CCSER1: variants seen among roughly 807,000 people sequenced by gnomAD.
The protein encoded by CCSER1 is coiled-coil serine rich protein 1, also known as serine-rich coiled-coil domain-containing protein 1.
A neutral mutation model predicts 82.0 loss-of-function variants in CCSER1; 41 were observed. The ratio of observed to expected loss-of-function variants is 0.50; its 90% CI spans 0.39 to 0.65. The LOEUF (loss-of-function observed/expected upper bound fraction) is 0.65, where lower values mean the gene tolerates loss of function less well. Ranked by LOEUF, CCSER1 falls within the 30% of genes least tolerant of loss-of-function variation. The probability of loss-of-function intolerance (pLI) is 0.00; values close to 1 mark genes in which losing one functional copy is unlikely to be tolerated. For synonymous variants in CCSER1, 414 were observed against 383.9 expected (o/e 1.08, Z -0.92); for missense variants, 1,119 against 1,064.2 (o/e 1.05, Z -0.72).
chr4:90,507,548 G>A (rs142898662), intron 5 of CCSER1, among the ~76,000 whole-genome samples: 1 of 151,938 alleles, frequency 6.6e-6, no homozygotes, highest in African/African-American at 2.4e-5. Flanking sequence ...ATCATATATA[G>A]AGGTAGAAAA....
chr4:90,172,078 C>A (rs1731802835), intron 1 of CCSER1, among the ~76,000 whole-genome samples: 1 of 151,888 alleles, frequency 6.6e-6, no homozygotes, highest in African/African-American at 2.4e-5. Flanking sequence ...TCAAATTTTT[C>A]TCTCTGGGTG....
chr4:91,498,137 G>A (rs1759024882), intron 10 of CCSER1, among the ~76,000 whole-genome samples: 2 of 151,992 alleles, frequency 1.3e-5, no homozygotes, highest in Non-Finnish European at 2.9e-5. Flanking sequence ...AGGTCAGAGT[G>A]AGAAAGGCAA....
chr4:91,586,871 G>T (rs550131490), intron 10 of CCSER1, among the ~76,000 whole-genome samples: 1 of 151,646 alleles, frequency 6.6e-6, no homozygotes, highest in South Asian at 2.1e-4. Context: ...GTAAGTTCTT[G>T]GGGGTAATAT....
intron 3 of CCSER1, among the ~76,000 whole-genome samples, chr4:90,367,183 C>T (rs11939286): frequency 0.26 from 38,961 of 151,352 alleles, 5,883 homozygotes; most frequent in African/African-American, 0.41. Context: ...AACAAACAAA[C>T]ATTTAAAAAT....
At chr4:91,384,317 C>T (rs1303634186) in intron 10 of CCSER1, among the ~76,000 whole-genome samples, 1 of 151,928 alleles carries the variant, frequency 6.6e-6, no homozygotes, top group East Asian at 1.9e-4. Flanking sequence ...TTTTAGAAAA[C>T]TGTTAAAGTA....
intron 10 of CCSER1, among the ~76,000 whole-genome samples, chr4:91,497,075 T>C (rs1475726936): frequency 6.6e-6 from 1 of 150,924 alleles, no homozygotes; most frequent in Non-Finnish European, 1.5e-5. Context: ...TAGCATATTA[T>C]GCTAATTAAA....
At chr4:90,293,023 C>T (rs1392967378) in intron 1 of CCSER1, among the ~76,000 whole-genome samples, 2 of 151,654 alleles carry the variant, frequency 1.3e-5, no homozygotes, top group South Asian at 2.1e-4. Context: ...TCTTTACGTT[C>T]GTATCTGTTA....
intron 10 of CCSER1, among the ~76,000 whole-genome samples, chr4:91,496,612 ATACACGAATATATAT>A (rs1483233667): frequency 4.5e-5 from 1 of 22,324 alleles, no homozygotes; most frequent in African/African-American, 1.1e-4. Context: ...GAATATATAT[ATACACGAATATATAT>A]TTGAATATAT....
chr4:91,330,602 GA>G (rs1380100688), intron 10 of CCSER1, among the ~76,000 whole-genome samples: 1 of 152,098 alleles, frequency 6.6e-6, no homozygotes, highest in Non-Finnish European at 1.5e-5. Flanking sequence ...AACTTATCTG[GA>G]AATAGAAATA....
At chr4:90,877,230 T>C (rs973173179) in intron 8 of CCSER1, among the ~76,000 whole-genome samples, 4 of 152,148 alleles carry the variant, frequency 2.6e-5, no homozygotes, top group African/African-American at 7.2e-5. Context: ...TGCAAGTTTC[T>C]AGGTGCTCAG....
intron 7 of CCSER1, among the ~76,000 whole-genome samples, chr4:90,807,450 A>G (rs998631115): frequency 8.5e-5 from 13 of 152,116 alleles, no homozygotes; most frequent in African/African-American, 3.1e-4. Context: ...AAATGAAAAG[A>G]TATATTAATA....
At chr4:90,872,619 G>A (rs372293352) in intron 8 of CCSER1, among the ~76,000 whole-genome samples, 1 of 151,672 alleles carries the variant, frequency 6.6e-6, no homozygotes, top group Non-Finnish European at 1.5e-5. Flanking sequence ...TCATCTTTTA[G>A]TCTTTCTACT....
intron 1 of CCSER1, among the ~76,000 whole-genome samples, chr4:90,175,862 A>G (rs1205613321): frequency 9.9e-5 from 15 of 152,052 alleles, no homozygotes; most frequent in African/African-American, 3.4e-4. Flanking sequence ...TGAGAGAGAA[A>G]TAGAGAATTA....
intron 10 of CCSER1, among the ~76,000 whole-genome samples, chr4:91,436,506 G>T (rs1754661048): frequency 6.6e-6 from 1 of 152,200 alleles, no homozygotes; most frequent in African/African-American, 2.4e-5. Context: ...GAAAGTCGAT[G>T]ACTTCAGTTT....
Position 90,515,418 on chromosome 4 carries a change from G to A in CCSER1, c.1724+47064G>A, listed in dbSNP as rs376542272. On this transcript the variant is annotated intron_variant, in intron 5 of 10. Transcript: ENST00000509176. ...CTTAGTACATTGGGCAACTTTTGAA[G>A]CTTTTGCATAACTTTTATTTTTATG... Among the ~76,000 whole-genome samples the A allele has an allele frequency of 5.3e-5, 8 of 152,212 alleles. No individual in the cohort carries two copies. In the East Asian group the frequency reaches 9.7e-4, roughly 18 times the overall value.
At chr4:90,487,131 C>A (rs1364791438) in intron 5 of CCSER1, among the ~76,000 whole-genome samples, 2 of 152,132 alleles carry the variant, frequency 1.3e-5, no homozygotes, top group Non-Finnish European at 2.9e-5. Flanking sequence ...AGGCTGGTCT[C>A]GAACTCCTGA....
At chr4:90,425,268 C>A (rs896259693) in intron 4 of CCSER1, among the ~76,000 whole-genome samples, 2 of 152,128 alleles carry the variant, frequency 1.3e-5, no homozygotes, top group East Asian at 3.9e-4. Flanking sequence ...GAGGAATCAC[C>A]TGGTGCAGGT....
intron 1 of CCSER1, among the ~76,000 whole-genome samples, chr4:90,224,081 G>A (rs186153105): frequency 6.6e-6 from 1 of 152,238 alleles, no homozygotes; most frequent in Admixed American, 6.5e-5. Context: ...TTCTTCATGT[G>A]TTAGTAAGAG....
At chr4:90,440,631 G>T (rs1759732759) in intron 4 of CCSER1, among the ~76,000 whole-genome samples, 1 of 152,140 alleles carries the variant, frequency 6.6e-6, no homozygotes. Context: ...TAGGCTTTGT[G>T]CAGTGCTGTG....
Sources: allele counts gnomAD v4.1 joint callset (sites outside exome capture counted in the v4.1 genomes callset), GRCh38; gene constraint gnomAD v4.1.1; transcripts MANE v1.5; gene names NCBI Gene and HGNC (gene_info 2026-07-23, HGNC 2026-07-21).